SLCO1A2: variants seen among roughly 807,000 people sequenced by gnomAD.
SLCO1A2 encodes OATP-1.
A neutral mutation model predicts 69.0 loss-of-function variants in SLCO1A2; 67 were observed. The observed-to-expected ratio is 0.97, with a 90% CI of 0.80 to 1.19. SLCO1A2 has a LOEUF of 1.19. Ranked by LOEUF, SLCO1A2 falls within the 50% of genes most tolerant of loss-of-function variation. The pLI is 0.00. For missense variants in SLCO1A2, 787 were observed against 793.7 expected (o/e 0.99, Z 0.10); for synonymous variants, 260 against 265.9 (o/e 0.98, Z 0.22).
chr12:21,294,076 A>T lies in SLCO1A2; in HGVS notation c.1306T>A (p.Phe436Ile). The T allele has an allele frequency of 6.2e-7, 1 of 1,606,098 alleles. No homozygotes were observed. The highest frequency in any genetic ancestry group is 8.5e-7 in the Non-Finnish European group (1 of 1,176,652). ...PQDLYVENDIFADCNVDCNCP... is the reference protein window; with the variant it reads ...PQDLYVENDIIADCNVDCNCP... ...TTGCAATCCACATTGCAATCAGCAAAGATGTCATTTTCCACATATAAATCT... is the reference window on the plus strand; with the variant it reads ...TTGCAATCCACATTGCAATCAGCAATGATGTCATTTTCCACATATAAATCT... Residue 436 changes from phenylalanine (F) to isoleucine (I), a missense_variant, in exon 11 of 15, where the codon TTT becomes ATT. Physicochemically the swap from Phe to Ile is conservative, Grantham distance 21. Transcript: ENST00000683939.
intron 4 of SLCO1A2, among the ~76,000 whole-genome samples, chr12:21,309,663 C>T (rs1327829614): frequency 2.0e-5 from 3 of 152,000 alleles, no homozygotes; most frequent in Non-Finnish European, 1.5e-5. Flanking sequence ...CTCTTGTATA[C>T]TTTCTTGGAA....
chr12:21,389,805 C>T (rs563647816), intron 1 of SLCO1A2, among the ~76,000 whole-genome samples: 1 of 151,502 alleles, frequency 6.6e-6, no homozygotes, highest in Non-Finnish European at 1.5e-5. Context: ...CATGCACCCA[C>T]AGAGATACAA....
chr12:21,325,285 C>T (rs1952130782), intron 2 of SLCO1A2, among the ~76,000 whole-genome samples: 1 of 152,126 alleles, frequency 6.6e-6, no homozygotes, highest in Admixed American at 6.5e-5. Flanking sequence ...CAATCAGATA[C>T]AATACCAATT....
intron 4 of SLCO1A2, among the ~76,000 whole-genome samples, chr12:21,312,142 G>C (rs939048925): frequency 1.3e-5 from 2 of 152,204 alleles, no homozygotes; most frequent in Non-Finnish European, 2.9e-5. Context: ...CTGTTATTTA[G>C]TGTAGCCACC....
chr12:21,366,247 T>C (rs556855941), intron 2 of SLCO1A2, among the ~76,000 whole-genome samples: 59 of 152,244 alleles, frequency 3.9e-4, no homozygotes, highest in African/African-American at 1.3e-3. Context: ...ATATCCTTTA[T>C]AGAGACATGG....
rs141057868 is a variant in SLCO1A2 at position 21,378,282 on chromosome 12, G to A, written c.-189-3757C>T. ...AATGCAACACTGCCACATGTGCAACGCAGCGCCTGGCAAATTTTTTAGTTC... is the reference window on the plus strand; with the variant it reads ...AATGCAACACTGCCACATGTGCAACACAGCGCCTGGCAAATTTTTTAGTTC... On this transcript the variant is annotated intron_variant, in intron 1 of 15. Transcript: ENST00000307378. 216 of 1,614,160 alleles carry A rather than the reference G, an allele frequency of 1.3e-4. 2 individuals are homozygous for A. The African/African-American group carries it at 2.4e-3, about 18-fold the overall frequency.
chr12:21,373,906 A>G (rs796626606), intron 2 of SLCO1A2, among the ~76,000 whole-genome samples: 24 of 152,330 alleles, frequency 1.6e-4, no homozygotes, highest in African/African-American at 5.8e-4. Flanking sequence ...ATGGAAATGT[A>G]TAGAAATAAT....
At chr12:21,276,003 A>ATAAC (rs1329072619) in intron 12 of SLCO1A2, among the ~76,000 whole-genome samples, 28 of 152,194 alleles carry the variant, frequency 1.8e-4, no homozygotes, top group Non-Finnish European at 4.1e-4. Flanking sequence ...TGCAGTAAGA[A>ATAAC]TAACAATAAA....
At chr12:21,394,380 C>CAA (rs536128526) in intron 1 of SLCO1A2, among the ~76,000 whole-genome samples, 2,225 of 151,574 alleles carry the variant, frequency 0.015, 35 homozygotes, top group African/African-American at 0.03. Context: ...CACACACACA[C>CAA]ACACACACAC....
chr12:21,372,274 A>G (rs1939855787), intron 2 of SLCO1A2, among the ~76,000 whole-genome samples: 1 of 152,146 alleles, frequency 6.6e-6, no homozygotes, highest in Non-Finnish European at 1.5e-5. Context: ...GTGCTGAAAA[A>G]TGAATTTTTT....
At chr12:21,363,806 A>G (rs1227646975) in intron 2 of SLCO1A2, among the ~76,000 whole-genome samples, 2 of 152,230 alleles carry the variant, frequency 1.3e-5, no homozygotes, top group Non-Finnish European at 2.9e-5. Context: ...GAAGAAATGG[A>G]TAAATTCCTG....
At chr12:21,311,185 T>C (rs767655644) in intron 4 of SLCO1A2, among the ~76,000 whole-genome samples, 9 of 152,226 alleles carry the variant, frequency 5.9e-5, no homozygotes, top group Non-Finnish European at 1.0e-4. Context: ...TCTTAAATTC[T>C]AGTTCTCTTT....
rs1224789907 is a variant in SLCO1A2 at position 21,394,660 on chromosome 12, G to A, written c.-190+246C>T. On this transcript the variant is annotated intron_variant, in intron 1 of 15. Transcript: ENST00000307378. The stretch of plus-strand genomic sequence containing the variant: ...AGAGCAAGCTATTCCTGAACAAGGT[G>A]ATACGGCCACCTCCACAAAATCTAC... Among the ~76,000 whole-genome samples the A allele has an allele frequency of 2.4e-4, 36 of 152,040 alleles. 1 individual carries two copies.
At chr12:21,274,754 T>A in intron 13 of SLCO1A2, 168 bp from the exon 14 acceptor site, 2 of 689,844 alleles carry the variant, frequency 2.9e-6, no homozygotes, top group Non-Finnish European at 4.5e-6. Flanking sequence ...GTAAAGTTTC[T>A]AAATTATTAA....
intron 12 of SLCO1A2, 21 bp from the exon 13 acceptor site, chr12:21,275,445 T>C: frequency 7.0e-7 from 1 of 1,425,902 alleles, no homozygotes; most frequent in Non-Finnish European, 9.3e-7. Context: ...AATAAGTTTG[T>C]AAATAAAAGA....
intron 1 of SLCO1A2, among the ~76,000 whole-genome samples, chr12:21,392,485 T>C (rs1175708055): frequency 6.6e-6 from 1 of 152,202 alleles, no homozygotes; most frequent in Admixed American, 6.5e-5. Flanking sequence ...TATAAAGCAC[T>C]CTGAGCAAAC....
At chr12:21,311,989 AGAG>A (rs199881908) in intron 4 of SLCO1A2, among the ~76,000 whole-genome samples, 3,276 of 149,986 alleles carry the variant, frequency 0.022, 34 homozygotes, top group African/African-American at 0.032. Flanking sequence ...AGGAGGAGGA[AGAG>A]GAGGAGGAGG....
intron 1 of SLCO1A2, among the ~76,000 whole-genome samples, chr12:21,416,591 C>T (rs956064963): frequency 3.2e-4 from 48 of 151,980 alleles, no homozygotes; most frequent in Middle Eastern, 3.4e-3. Context: ...GTTTAATTGT[C>T]TGCAGGCTGG....
chr12:21,347,374 G>A lies in SLCO1A2; in HGVS notation c.-62-12665C>T, dbSNP rs1006609773. ...AATTAAGAATCTGGGGGCCAGGTGC[G>A]GTGGCTTATGCCTGTAATCCCAGCA... On this transcript the variant is annotated intron_variant, in intron 2 of 15. Transcript: ENST00000307378. 5.3e-5 allele frequency among the ~76,000 whole-genome samples: 8 copies of A among 152,098 alleles called. 1 individual carries two copies. In the South Asian group the frequency reaches 6.2e-4, roughly 12 times the overall value.
Sources: allele counts gnomAD v4.1 joint callset (sites outside exome capture counted in the v4.1 genomes callset), GRCh38; gene constraint gnomAD v4.1.1; transcripts MANE v1.5; gene names NCBI Gene and HGNC (gene_info 2026-07-23, HGNC 2026-07-21).